The following CSMD3 variants were observed in gnomAD, a reference collection of about 807,000 sequenced individuals.
CSMD3 encodes CUB and Sushi multiple domains 3.
A neutral mutation model predicts 435.2 loss-of-function variants in CSMD3; 177 were observed. The ratio of observed to expected loss-of-function variants is 0.41; its 90% CI spans 0.36 to 0.46. The LOEUF (loss-of-function observed/expected upper bound fraction) is 0.46, where lower values mean the gene tolerates loss of function less well. Among genes scored for constraint, CSMD3 ranks in the 20% least tolerant of loss-of-function variants. The pLI is 0.34. For missense variants in CSMD3, 4,265 were observed against 4,504.6 expected (o/e 0.95, Z 1.52); for synonymous variants, 1,656 against 1,520.5 (o/e 1.09, Z -2.07).
rs2092550373 is a variant in CSMD3 at position 113,189,188 on chromosome 8, C to T, written c.515-15272G>A. Among the ~76,000 whole-genome samples the T allele has an allele frequency of 2.0e-5, 3 of 151,804 alleles. No individual in the cohort carries two copies. The South Asian group carries it at 6.2e-4, about 31-fold the overall frequency. The stretch of plus-strand genomic sequence containing the variant: ...CTTTTTAAGCATTATACCTACTAAT[C>T]ATGCTAACTAGTTTTGTTACTGGTT... On this transcript the variant is annotated intron_variant, in intron 3 of 70. Transcript: ENST00000297405.
Position 113,373,001 on chromosome 8 carries a change from T to C in CSMD3, c.179-58208A>G, listed in dbSNP as rs369541119. Among the ~76,000 whole-genome samples, 284 of 152,128 alleles carry C rather than the reference T, an allele frequency of 1.9e-3. 11 individuals are homozygous for C. The South Asian group carries it at 0.055, about 30-fold the overall frequency. Reference sequence around the variant, plus strand: ...ACACAGTTTTTAAAAAGTAAAAAATTTAGAAATGTATTATGCTGTAAAATA... The same window carrying C: ...ACACAGTTTTTAAAAAGTAAAAAATCTAGAAATGTATTATGCTGTAAAATA... On this transcript the variant is annotated intron_variant, in intron 1 of 70. Coordinates refer to ENST00000297405, the MANE Select transcript of CSMD3 (RefSeq NM_198123.2).
At chr8:112,801,456 T>G (rs1455726131) in intron 12 of CSMD3, among the ~76,000 whole-genome samples, 1 of 152,022 alleles carries the variant, frequency 6.6e-6, no homozygotes, top group Non-Finnish European at 1.5e-5. Flanking sequence ...TACTATTATT[T>G]AATTATGGGA....
At chr8:113,412,001 G>A (rs1313365623) in intron 1 of CSMD3, among the ~76,000 whole-genome samples, 1 of 152,090 alleles carries the variant, frequency 6.6e-6, no homozygotes, top group Non-Finnish European at 1.5e-5. Context: ...GACGGTTAAT[G>A]TCTTTTTGCT....
rs760414707 is a variant in CSMD3 at position 113,278,701 on chromosome 8, T to C, written c.405A>G (p.Leu135=). Residue 135 remains leucine, a synonymous_variant, in exon 3 of 71, where the codon TTA becomes TTG. Coordinates refer to ENST00000297405, the MANE Select transcript of CSMD3 (RefSeq NM_198123.2). ...HPHPTNFRTR[L]TGFHLPPPVT... The stretch of plus-strand genomic sequence containing the variant: ...CTGGAGGTGGCAGATGGAATCCTGT[T>C]AACCTAAAACAAAATGGAATTAATT... The C allele has an allele frequency of 4.8e-6, 7 of 1,461,896 alleles. No individual in the cohort carries two copies. Among genetic ancestry groups the C allele is most frequent in the South Asian group, 4.5e-5 (4 of 88,008 alleles). The allele number at this position is 1,461,896 out of a possible 1,614,324, so 90.6% of individuals were successfully genotyped here. A position where few individuals can be genotyped will look rare whatever the true frequency, so the allele number is the denominator to read the frequency against.
chr8:113,006,592 G>A (rs1223331266), intron 6 of CSMD3, among the ~76,000 whole-genome samples: 1 of 151,864 alleles, frequency 6.6e-6, no homozygotes, highest in African/African-American at 2.4e-5. Flanking sequence ...CACCAGTCAA[G>A]GAAATCTAGA....
At chr8:112,602,912 T>C (rs769610929) in intron 22 of CSMD3, among the ~76,000 whole-genome samples, 16 of 152,142 alleles carry the variant, frequency 1.1e-4, no homozygotes, top group Non-Finnish European at 1.9e-4. Context: ...TTCACATTTT[T>C]GGGTAGTGGG....
intron 4 of CSMD3, among the ~76,000 whole-genome samples, chr8:113,110,077 G>T (rs573574228): frequency 6.6e-6 from 1 of 152,100 alleles, no homozygotes; most frequent in Admixed American, 6.6e-5. Context: ...TGATGGGAAT[G>T]GCAGCCCCAT....
chr8:113,066,042 T>C (rs930487452), intron 5 of CSMD3, among the ~76,000 whole-genome samples: 8 of 149,192 alleles, frequency 5.4e-5, no homozygotes, highest in African/African-American at 1.7e-4. Context: ...TCTGCTCAAT[T>C]TTTTTTTTTC....
intron 42 of CSMD3, among the ~76,000 whole-genome samples, chr8:112,338,484 A>G (rs1824787359): frequency 6.6e-6 from 1 of 152,204 alleles, no homozygotes; most frequent in Non-Finnish European, 1.5e-5. Flanking sequence ...CTCATAAAAT[A>G]TCAATATTTG....
chr8:112,463,245 C>A (rs1817633163), intron 32 of CSMD3, among the ~76,000 whole-genome samples: 1 of 152,078 alleles, frequency 6.6e-6, no homozygotes, highest in Admixed American at 6.6e-5. Context: ...ACCTGTAATC[C>A]CAGCTACTCA....
intron 3 of CSMD3, among the ~76,000 whole-genome samples, chr8:113,275,056 ATAAAG>A (rs1045945058): frequency 5.3e-5 from 8 of 152,094 alleles, no homozygotes; most frequent in Non-Finnish European, 5.9e-5. Flanking sequence ...ATGCTTATAT[ATAAAG>A]TACTCTTTTA....
chr8:113,365,483 G>T (rs2094305166), intron 1 of CSMD3, among the ~76,000 whole-genome samples: 1 of 151,968 alleles, frequency 6.6e-6, no homozygotes, highest in Non-Finnish European at 1.5e-5. Flanking sequence ...CTCATTCCAT[G>T]TAACTTTGGT....
In CSMD3 at chr8:112,301,875, G is replaced by A. The variant is rs780579592; in HGVS notation, c.8358C>T (p.Asp2786=). The A allele has an allele frequency of 1.2e-6, 2 of 1,613,698 alleles. No individual in the cohort carries two copies. The highest frequency in any genetic ancestry group is 2.2e-5 in the South Asian group (2 of 91,084). The change falls in exon 53 of 71, where the codon GAC becomes GAT. Residue 2786 remains aspartate (D), a synonymous_variant. Transcript: ENST00000297405. ...SYGSTAIFTC[D]LGFMLVGSAV... is the part of the protein sequence containing the mutation. ...CAGAGCCCACAAGCATGAATCCCAA[G>A]TCGCAGGTAAAGATAGCTGTTGAGC... is the stretch of plus-strand genomic sequence containing the variant.
intron 11 of CSMD3, among the ~76,000 whole-genome samples, chr8:112,851,401 T>C (rs562783812): frequency 1.3e-5 from 2 of 152,182 alleles, no homozygotes; most frequent in South Asian, 4.1e-4. Context: ...CCCCTGATAA[T>C]CTACCTGAGA....
intron 1 of CSMD3, among the ~76,000 whole-genome samples, chr8:113,418,774 A>G (rs888085214): frequency 6.6e-6 from 1 of 152,232 alleles, no homozygotes; most frequent in Non-Finnish European, 1.5e-5. Flanking sequence ...TTATTAGCAG[A>G]TTTAGACTTG....
At chr8:113,260,534 C>T (rs1156875011) in intron 3 of CSMD3, among the ~76,000 whole-genome samples, 1 of 152,042 alleles carries the variant, frequency 6.6e-6, no homozygotes, top group Non-Finnish European at 1.5e-5. Context: ...TTAAAAAGTC[C>T]TTTGTCCTTG....
At chr8:113,003,101 T>G (rs1280747218) in intron 6 of CSMD3, among the ~76,000 whole-genome samples, 2 of 151,894 alleles carry the variant, frequency 1.3e-5, no homozygotes, top group South Asian at 2.1e-4. Flanking sequence ...CAAAATTAGC[T>G]GGGTGTGGTG....
At chr8:112,589,381 A>G (rs559657432) in intron 22 of CSMD3, among the ~76,000 whole-genome samples, 26 of 152,200 alleles carry the variant, frequency 1.7e-4, no homozygotes, top group Admixed American at 5.9e-4. Context: ...ATGTGAATAA[A>G]GAAAATTACC....
chr8:112,709,540 A>C (rs1381624152), intron 13 of CSMD3, among the ~76,000 whole-genome samples: 1 of 152,122 alleles, frequency 6.6e-6, no homozygotes, highest in Non-Finnish European at 1.5e-5. Context: ...TTAAGAAATT[A>C]CAATTCAGAG....
Sources: gnomAD v4.1 joint callset for allele counts (sites outside exome capture counted in the v4.1 genomes callset) on GRCh38, gnomAD v4.1.1 for gene constraint, MANE v1.5 for transcripts, NCBI Gene and HGNC (gene_info 2026-07-23, HGNC 2026-07-21) for gene names.